Variants in DOCK3 observed in about 807,000 individuals in gnomAD.
DOCK3 encodes dedicator of cytokinesis protein 3.
DOCK3 carries 60 observed loss-of-function variants against 265.6 expected under a neutral mutation model. That is an observed-to-expected ratio of 0.23 (90% CI 0.18 to 0.28). The LOEUF (loss-of-function observed/expected upper bound fraction) is 0.28, where lower values mean the gene tolerates loss of function less well. Ranked by LOEUF, DOCK3 falls within the 10% of genes least tolerant of loss-of-function variation. The pLI, the probability that DOCK3 is intolerant of heterozygous loss-of-function variation, is 1.00. For missense variants in DOCK3, 1,981 were observed against 2,594.3 expected (o/e 0.76, Z 5.14); for synonymous variants, 881 against 938.0 (o/e 0.94, Z 1.11).
intron 12 of DOCK3, among the ~76,000 whole-genome samples, chr3:51,164,079 T>C (rs2086262122): frequency 6.6e-6 from 1 of 152,198 alleles, no homozygotes; most frequent in South Asian, 2.1e-4. Flanking sequence ...GAAATTCATC[T>C]TGAGGCACAA....
intron 25 of DOCK3, chr3:51,276,341 A>G (rs2080817670): frequency 1.0e-6 from 1 of 984,892 alleles, no homozygotes; most frequent in South Asian, 4.7e-5. Flanking sequence ...CATAAGATCT[A>G]CTCATAGCCC....
chr3:50,998,729 A>G (rs2078368389), intron 5 of DOCK3, among the ~76,000 whole-genome samples: 1 of 152,234 alleles, frequency 6.6e-6, no homozygotes. Context: ...TGTAAATATT[A>G]TGTTATGGCT....
At chr3:50,695,789 C>T (rs901532553) in intron 1 of DOCK3, among the ~76,000 whole-genome samples, 17 of 152,192 alleles carry the variant, frequency 1.1e-4, no homozygotes, top group African/African-American at 4.1e-4. Context: ...CCACTTCTGA[C>T]ACCATCTGTT....
At chr3:51,260,073 T>C in intron 22 of DOCK3, 83 bp from the exon 23 acceptor site, 1 of 1,386,896 alleles carries the variant, frequency 7.2e-7, no homozygotes, top group Non-Finnish European at 9.8e-7. Flanking sequence ...GAAACTGCTG[T>C]TACTTTGCCC....
chr3:51,153,469 A>G (rs1484564357), intron 10 of DOCK3, among the ~76,000 whole-genome samples: 1 of 152,178 alleles, frequency 6.6e-6, no homozygotes, highest in Admixed American at 6.5e-5. Context: ...TCCCAGGTGA[A>G]GCGATGCCCC....
At position 51,045,555 on chromosome 3, in the gene DOCK3, G is replaced by C. The variant is rs2080743516; in HGVS notation, c.316-18893G>C. On this transcript the variant is annotated intron_variant, in intron 5 of 52. Transcript: ENST00000266037. ...TGATAGACTCACTTGGCACAGGGTT[G>C]CCTAGTTTTGCAATTTGTAAAAACC... Among the ~76,000 whole-genome samples, 2 of 152,166 alleles carry C rather than the reference G, an allele frequency of 1.3e-5. 1 individual carries two copies. The highest frequency in any genetic ancestry group is 4.1e-4 in the South Asian group (2 of 4,828).
At chr3:51,028,194 G>A (rs933711715) in intron 5 of DOCK3, among the ~76,000 whole-genome samples, 2 of 152,156 alleles carry the variant, frequency 1.3e-5, no homozygotes, top group Non-Finnish European at 2.9e-5. Context: ...GCTTAACTTA[G>A]TGATACATGA....
intron 1 of DOCK3, among the ~76,000 whole-genome samples, chr3:50,736,334 T>A (rs567227208): frequency 2.0e-5 from 3 of 152,236 alleles, no homozygotes; most frequent in Non-Finnish European, 4.4e-5. Context: ...AAGTCTTTGC[T>A]GTTGTGAATA....
intron 32 of DOCK3, 63 bp from the exon 33 acceptor site, chr3:51,330,075 A>C: frequency 6.7e-7 from 1 of 1,503,308 alleles, no homozygotes; most frequent in Non-Finnish European, 9.1e-7. Context: ...CACCACAGGA[A>C]CTGGATTTCC....
intron 1 of DOCK3, among the ~76,000 whole-genome samples, chr3:50,686,930 C>T (rs1382335800): frequency 1.2e-5 from 1 of 81,120 alleles, no homozygotes; most frequent in Admixed American, 1.4e-4. Flanking sequence ...AAAAAAAATG[C>T]CGGGCACAGT....
In DOCK3 at chr3:50,811,278, C is replaced by G. The variant is rs891194441; in HGVS notation, c.122-30397C>G. On this transcript the variant is annotated intron_variant, in intron 2 of 52. Coordinates refer to ENST00000266037, the MANE Select transcript of DOCK3 (RefSeq NM_004947.5). The stretch of plus-strand genomic sequence containing the variant: ...AATTAGGTGGGTGTGGTGGTGCATG[C>G]CTGTAGTTCTGGCTACTCAGGAGGC... Among the ~76,000 whole-genome samples, 29 of 151,656 alleles carry G rather than the reference C, an allele frequency of 1.9e-4. 1 individual carries two copies. The highest frequency in any genetic ancestry group is 1.9e-3 in the Admixed American group (29 of 15,238).
intron 1 of DOCK3, among the ~76,000 whole-genome samples, chr3:50,710,656 C>T (rs984472718): frequency 3.3e-5 from 5 of 152,038 alleles, no homozygotes; most frequent in Admixed American, 6.6e-5. Flanking sequence ...GTCTCACCAC[C>T]CAAAGGAAGT....
intron 14 of DOCK3, among the ~76,000 whole-genome samples, chr3:51,216,998 T>A (rs2355934): frequency 0.91 from 138,912 of 152,290 alleles, 63,496 homozygotes; most frequent in African/African-American, 0.96. Context: ...CACGTGGAGA[T>A]ATAAGAAGGA....
intron 9 of DOCK3, among the ~76,000 whole-genome samples, chr3:51,143,050 C>G (rs569861604): frequency 2.0e-5 from 3 of 152,162 alleles, no homozygotes; most frequent in African/African-American, 7.2e-5. Context: ...CCATGCCCAG[C>G]TAATTTTTGT....
intron 1 of DOCK3, among the ~76,000 whole-genome samples, chr3:50,715,301 G>A (rs891749028): frequency 7.9e-5 from 12 of 152,248 alleles, no homozygotes; most frequent in African/African-American, 1.9e-4. Flanking sequence ...CTGTAATCCC[G>A]GTACTTTGGG....
intron 4 of DOCK3, among the ~76,000 whole-genome samples, chr3:50,918,274 C>G (rs917211648): frequency 5.9e-5 from 9 of 152,086 alleles, no homozygotes; most frequent in African/African-American, 1.9e-4. Context: ...GATATATACC[C>G]AGTAATGGGA....
At chr3:50,698,603 C>A (rs1158039955) in intron 1 of DOCK3, among the ~76,000 whole-genome samples, 1 of 123,752 alleles carries the variant, frequency 8.1e-6, no homozygotes, top group Non-Finnish European at 1.6e-5. Context: ...GTTTGAAGAA[C>A]TGTTATACCT....
intron 2 of DOCK3, among the ~76,000 whole-genome samples, chr3:50,782,108 T>A (rs2041944311): frequency 6.6e-6 from 1 of 152,178 alleles, no homozygotes; most frequent in Non-Finnish European, 1.5e-5. Flanking sequence ...GTCTTTATGA[T>A]AGAATGATTT....
At chr3:51,312,194 C>A in intron 29 of DOCK3, 115 bp downstream of exon 29, 1 of 963,284 alleles carries the variant, frequency 1.0e-6, no homozygotes. Context: ...AGCTTCCAAG[C>A]CTGATGATGA....
Sources: gnomAD v4.1 joint callset for allele counts (sites outside exome capture counted in the v4.1 genomes callset) on GRCh38, gnomAD v4.1.1 for gene constraint, MANE v1.5 for transcripts, NCBI Gene and HGNC (gene_info 2026-07-23, HGNC 2026-07-21) for gene names.